TJP2: variants seen among roughly 807,000 people sequenced by gnomAD.
TJP2 encodes the protein Friedreich ataxia region gene X104 (tight junction protein ZO-2).
TJP2 carries 91 observed loss-of-function variants against 133.1 expected under a neutral mutation model. That is an observed-to-expected ratio of 0.68 (90% CI 0.58 to 0.81). The LOEUF (loss-of-function observed/expected upper bound fraction) is 0.81, where lower values mean the gene tolerates loss of function less well. TJP2 is among the 40% of genes least tolerant of loss of function. The pLI is 0.00. For missense variants in TJP2, 1,541 were observed against 1,565.6 expected, an observed-to-expected ratio of 0.98 and a Z score of 0.26; for synonymous variants, 592 against 583.4, an observed-to-expected ratio of 1.01 and a Z score of -0.21.
intron 2 of TJP2, among the ~76,000 whole-genome samples, chr9:69,161,894 C>G (rs968304634): frequency 3.3e-5 from 5 of 149,690 alleles, no homozygotes; most frequent in Non-Finnish European, 7.4e-5. Flanking sequence ...CTAAAAAATA[C>G]AAAATTAGCC....
intron 1 of TJP2, among the ~76,000 whole-genome samples, chr9:69,130,670 G>T (rs917455309): frequency 6.6e-6 from 1 of 152,150 alleles, no homozygotes; most frequent in Non-Finnish European, 1.5e-5. Context: ...TCCTGTGTGT[G>T]CAGGGGCTTG....
chr9:69,254,928 T>C lies in TJP2; in HGVS notation c.*554T>C, dbSNP rs918946740. 15 of 322,720 alleles carry C rather than the reference T, an allele frequency of 4.6e-5. No individual in the cohort carries two copies. The highest frequency in any genetic ancestry group is 3.2e-4 in the African/African-American group (15 of 47,122). 20.0% of individuals were successfully genotyped at this position (322,720 alleles called of 1,614,324 possible). ...TGACTAAGTTTTTATACCAGCTTAATAGCTGTAGTTTTCCCTGCACTGTGT... is the reference window on the plus strand; with the variant it reads ...TGACTAAGTTTTTATACCAGCTTAACAGCTGTAGTTTTCCCTGCACTGTGT... On this transcript the variant is annotated 3_prime_UTR_variant, in exon 23 of 23. Coordinates refer to ENST00000377245, the MANE Select transcript of TJP2 (RefSeq NM_004817.4).
At chr9:69,170,606 G>T (rs1824626590), upstream of TJP2, among the ~76,000 whole-genome samples, 1 of 152,144 alleles carries the variant, frequency 6.6e-6, no homozygotes, top group African/African-American at 2.4e-5. Flanking sequence ...GAAAAGCTCT[G>T]GCCAAGATAA....
chr9:69,251,740 G>A (rs965216260), intron 21 of TJP2, among the ~76,000 whole-genome samples: 5 of 152,136 alleles, frequency 3.3e-5, no homozygotes, highest in African/African-American at 9.7e-5. Context: ...CAAACTGGGT[G>A]CTAAAACAGA....
intron 1 of TJP2, among the ~76,000 whole-genome samples, chr9:69,178,432 G>A (rs1825252255): frequency 6.6e-6 from 1 of 152,204 alleles, no homozygotes; most frequent in South Asian, 2.1e-4. Context: ...CTGGGAATGA[G>A]TAATATGAGG....
In TJP2 at chr9:69,238,059, C is replaced by T. The variant is rs903833432; in HGVS notation, c.2275+86C>T. On this transcript the variant is annotated intron_variant, in intron 15 of 22. Coordinates refer to ENST00000377245, the MANE Select transcript of TJP2 (RefSeq NM_004817.4). ...GAGTTGGAAGAATCATGAACACCCA[C>T]GTACCCTTCACCTGGAATCACCAGT... 7.1e-5 allele frequency: 64 copies of T among 907,130 alleles called. No individual in the cohort carries two copies. The East Asian group carries it at 1.5e-3, about 21-fold the overall frequency. The allele number at this position is 907,130 out of a possible 1,614,324, so 56.2% of individuals were successfully genotyped here.
chr9:69,249,701 T>C (rs1178840713), intron 20 of TJP2: 1 of 985,336 alleles, frequency 1.0e-6, no homozygotes, highest in Non-Finnish European at 1.2e-6. Flanking sequence ...GGAGAGCATA[T>C]GATTTTAGGA....
chr9:69,221,526 A>G (rs775809211), intron 5 of TJP2, 30 bp downstream of exon 5: 8 of 1,591,630 alleles, frequency 5.0e-6, no homozygotes, highest in Non-Finnish European at 6.8e-6. Context: ...GAAGAAAAGC[A>G]CTGTTGTGAT....
At chr9:69,196,944 TGTACACACACAC>T (rs1217381189) in intron 1 of TJP2, among the ~76,000 whole-genome samples, 2 of 38,196 alleles carry the variant, frequency 5.2e-5, no homozygotes, top group African/African-American at 1.5e-4. Flanking sequence ...TGTGTGTGTG[TGTACACACACAC>T]ACACACACAC....
At chr9:69,153,026 C>T (rs1224653409) in intron 2 of TJP2, among the ~76,000 whole-genome samples, 1 of 151,162 alleles carries the variant, frequency 6.6e-6, no homozygotes, top group Non-Finnish European at 1.5e-5. Context: ...GAGTTTGAAA[C>T]CAGCCTAGGC....
chr9:69,204,777 C>T, intron 1 of TJP2: 1 of 1,026,860 alleles, frequency 9.7e-7, no homozygotes, highest in Non-Finnish European at 1.2e-6. Context: ...TGTATAAATA[C>T]TTCTCTAAAT....
intron 7 of TJP2, among the ~76,000 whole-genome samples, chr9:69,226,933 T>C (rs1829395973): frequency 6.6e-6 from 1 of 152,244 alleles, no homozygotes; most frequent in African/African-American, 2.4e-5. Flanking sequence ...GCAGTCTGCA[T>C]CACCTCTTCC....
intron 1 of TJP2, among the ~76,000 whole-genome samples, chr9:69,188,588 C>G (rs572512243): frequency 8.5e-5 from 13 of 152,236 alleles, no homozygotes; most frequent in African/African-American, 3.1e-4. Flanking sequence ...CCTAGAGAAT[C>G]TTAAGTAAAA....
At chr9:69,239,104 G>A (rs895718505) in intron 16 of TJP2, among the ~76,000 whole-genome samples, 9 of 152,172 alleles carry the variant, frequency 5.9e-5, no homozygotes, top group African/African-American at 2.2e-4. Flanking sequence ...CAGGAGAATC[G>A]CTTGAACTCA....
chr9:69,174,622 C>T (rs1477270045), intron 1 of TJP2, among the ~76,000 whole-genome samples, 190 bp downstream of exon 1: 1 of 152,190 alleles, frequency 6.6e-6, no homozygotes, highest in Non-Finnish European at 1.5e-5. Context: ...GACTCGTGGC[C>T]TCCGGGGCTC....
chr9:69,199,919 A>G (rs1826865483), intron 1 of TJP2, among the ~76,000 whole-genome samples: 1 of 152,160 alleles, frequency 6.6e-6, no homozygotes, highest in Non-Finnish European at 1.5e-5. Context: ...TGGTGGTGCT[A>G]ACTCACAGGG....
At chr9:69,159,708 C>T (rs987446371) in intron 2 of TJP2, among the ~76,000 whole-genome samples, 1 of 151,988 alleles carries the variant, frequency 6.6e-6, no homozygotes, top group Non-Finnish European at 1.5e-5. Flanking sequence ...GAAACCCCGT[C>T]TCTACCAAAA....
intron 20 of TJP2, chr9:69,249,848 GC>G: frequency 1.4e-6 from 1 of 706,794 alleles, no homozygotes; most frequent in Non-Finnish European, 1.7e-6. Context: ...AAAGTTTTCT[GC>G]CCAGTCTGAT....
chr9:69,231,158 G>A (rs137958606), intron 11 of TJP2, among the ~76,000 whole-genome samples: 3 of 152,108 alleles, frequency 2.0e-5, no homozygotes, highest in African/African-American at 7.2e-5. Flanking sequence ...CACCCAGGCT[G>A]GAGTGCAGTG....
Sources: gnomAD v4.1 joint callset for allele counts (sites outside exome capture counted in the v4.1 genomes callset) on GRCh38, gnomAD v4.1.1 for gene constraint, MANE v1.5 for transcripts, NCBI Gene and HGNC (gene_info 2026-07-23, HGNC 2026-07-21) for gene names.